The following CTDP1 variants were observed in gnomAD, a reference collection of about 807,000 sequenced individuals.
CTDP1 encodes RNA polymerase II subunit A C-terminal domain phosphatase.
Under a neutral mutation model 91.8 loss-of-function variants are expected in CTDP1, and 47 were observed. That is an observed-to-expected ratio of 0.51 (90% confidence interval 0.41 to 0.65). CTDP1 has a LOEUF of 0.65. CTDP1 is among the 30% of genes least tolerant of loss of function. CTDP1 has a pLI of 0.00. For missense variants in CTDP1, 1,272 were observed against 1,373.7 expected, an observed-to-expected ratio of 0.93 and a Z score of 1.17; for synonymous variants, 656 against 598.5, an observed-to-expected ratio of 1.10 and a Z score of -1.40.
In CTDP1 at chr18:79,749,478, C is replaced by T. The variant is rs991410616; in HGVS notation, c.2748-4174C>T. Among the ~76,000 whole-genome samples the T allele has an allele frequency of 5.8e-5, 6 of 103,798 alleles. No individual in the cohort carries two copies. The South Asian group carries it at 1.4e-3, about 24-fold the overall frequency. 68.1% of individuals were successfully genotyped at this position (103,798 alleles called of 152,430 possible). A position where few individuals can be genotyped will look rare whatever the true frequency, so the allele number is the denominator to read the frequency against. On this transcript the variant is annotated intron_variant, in intron 12 of 12. Coordinates refer to ENST00000613122, the MANE Select transcript of CTDP1 (RefSeq NM_004715.5). ...AGGCATCAGCACACAGGCAGGGAGC[C>T]GGGCACCAGACTGTGAGGGTCGCGC... is the stretch of plus-strand genomic sequence containing the variant.
chr18:79,679,602 C>G, upstream of CTDP1: 1 of 475,764 alleles, frequency 2.1e-6, no homozygotes, highest in South Asian at 1.5e-5. Flanking sequence ...TGGGCGACAG[C>G]GGCCCGCGTT....
Position 79,741,191 on chromosome 18 carries a change from G to A in CTDP1, c.2747+4670G>A, listed in dbSNP as rs1036097176. 4.7e-5 allele frequency among the ~76,000 whole-genome samples: 7 copies of A among 149,306 alleles called. No individual in the cohort carries two copies. In the South Asian group the frequency reaches 6.4e-4, roughly 14 times the overall value. On this transcript the variant is annotated intron_variant, in intron 12 of 12. Transcript: ENST00000613122. ...CCGTGGTTGGGTGAGGTCCCCGTGC[G>A]GTTGATCTGTCCCTGAGTCCCTGAG...
intron 8 of CTDP1, among the ~76,000 whole-genome samples, chr18:79,716,602 CTGTCTGCCCTGCCG>C (rs2086214171): frequency 1.3e-5 from 2 of 152,132 alleles, no homozygotes; most frequent in South Asian, 4.1e-4. Flanking sequence ...CCTCAGGTGC[CTGTCTGCCCTGCCG>C]CGTGTCTGCC....
At chr18:79,709,500 A>G (rs866908540) in intron 5 of CTDP1, among the ~76,000 whole-genome samples, 8 of 152,350 alleles carry the variant, frequency 5.3e-5, no homozygotes, top group Middle Eastern at 3.4e-3. Context: ...TGGTTTTACT[A>G]TCTTTAAGGA....
rs141794158 is a variant in CTDP1, at chr18:79,753,685, C to A, written c.2781C>A (p.Ala927=). ...GHKRKLNEED[A]ASESSRESSN... is the part of the protein sequence containing the mutation. ...AGAGGAAGCTGAATGAAGAGGACGC[C>A]GCCAGCGAGTCCAGCAGGGAGTCCA... is the stretch of plus-strand genomic sequence containing the variant. The change falls in exon 13 of 13, where the codon GCC becomes GCA. Residue 927 remains alanine (A), a synonymous_variant. Coordinates refer to ENST00000613122, the MANE Select transcript of CTDP1 (RefSeq NM_004715.5). 4 of 1,614,086 alleles carry A rather than the reference C, an allele frequency of 2.5e-6. No homozygotes were observed. In the South Asian group the frequency reaches 4.4e-5, roughly 18 times the overall value.
At chr18:79,749,943 G>A (rs1057270094) in intron 12 of CTDP1, 1 of 152,272 alleles carries the variant, frequency 6.6e-6, no homozygotes, top group African/African-American at 2.4e-5. Flanking sequence ...CCAGACTCGT[G>A]GCCCTGACAG....
At chr18:79,740,820 G>A (rs2086761383) in intron 12 of CTDP1, among the ~76,000 whole-genome samples, 1 of 152,186 alleles carries the variant, frequency 6.6e-6, no homozygotes, top group East Asian at 1.9e-4. Context: ...CCGCCTGCCG[G>A]GCACTTTCAC....
intron 1 of CTDP1, among the ~76,000 whole-genome samples, chr18:79,682,798 G>A (rs2085402290): frequency 6.6e-6 from 1 of 152,154 alleles, no homozygotes; most frequent in Non-Finnish European, 1.5e-5. Context: ...GATTAAATAT[G>A]GAAGTCTTTC....
chr18:79,741,597 GA>G (rs1478937673), intron 12 of CTDP1, among the ~76,000 whole-genome samples: 1 of 152,190 alleles, frequency 6.6e-6, no homozygotes. Context: ...TGATAAACAG[GA>G]AAGGAAAACA....
downstream of CTDP1, chr18:79,754,928 C>T (rs1382552701): frequency 3.3e-5 from 5 of 152,298 alleles, no homozygotes; most frequent in Non-Finnish European, 4.4e-5. Flanking sequence ...CACGGCCCTT[C>T]TCCAAAAGCA....
Position 79,714,763 on chromosome 18 carries a change from G to A in CTDP1, c.1303G>A (p.Val435Met). The change falls in exon 8 of 13, where the codon GTG becomes ATG. Residue 435 changes from valine (V) to methionine (M), a missense_variant. Transcript: ENST00000613122. ...GGGATCCTGTGCGCAGGGTGGCCGG[G>A]TGGCACCGGGACAGCGGCCTGCCCA... is the stretch of plus-strand genomic sequence containing the variant. ...PQGSCAQGGR[V>M]APGQRPAQGA... is the part of the protein sequence containing the mutation. 1 of 1,602,342 alleles carries A rather than the reference G, an allele frequency of 6.2e-7. No homozygotes were observed. Among genetic ancestry groups the A allele is most frequent in the East Asian group, 2.2e-5 (1 of 44,454 alleles).
At chr18:79,738,047 C>T (rs1197160682) in intron 12 of CTDP1, among the ~76,000 whole-genome samples, 1 of 126,928 alleles carries the variant, frequency 7.9e-6, no homozygotes, top group Non-Finnish European at 1.6e-5. Context: ...CTGCTCACCG[C>T]CCCCGGGAGT....
intron 12 of CTDP1, among the ~76,000 whole-genome samples, chr18:79,737,255 T>C (rs1453464705): frequency 6.6e-6 from 1 of 152,362 alleles, no homozygotes. Context: ...CACCTTTAAC[T>C]TGGATGACAT....
chr18:79,693,098 G>T (rs561597083), intron 1 of CTDP1, among the ~76,000 whole-genome samples: 1 of 152,216 alleles, frequency 6.6e-6, no homozygotes, highest in Non-Finnish European at 1.5e-5. Context: ...GTGCGATGGC[G>T]GTAGGGACAC....
At chr18:79,693,719 A>T (rs1568177594) in intron 1 of CTDP1, among the ~76,000 whole-genome samples, 1 of 151,974 alleles carries the variant, frequency 6.6e-6, no homozygotes, top group Non-Finnish European at 1.5e-5. Flanking sequence ...TGTCCTCAGC[A>T]CCGTTCCTCC....
At chr18:79,737,913 T>A (rs528261749) in intron 12 of CTDP1, among the ~76,000 whole-genome samples, 1 of 152,232 alleles carries the variant, frequency 6.6e-6, no homozygotes, top group Non-Finnish European at 1.5e-5. Flanking sequence ...CTGTTTTACC[T>A]GGATTTGATA....
In CTDP1 at chr18:79,717,882, T is replaced by G. The variant is rs555610546; in HGVS notation, c.2283T>G (p.Val761=). The stretch of plus-strand genomic sequence containing the variant: ...CCGCCTTGTTCCACCCGATGCCGGT[T>G]CTTCCCAAGGCCCAGCCTGGCCCCG... ...PPTALFHPMP[V]LPKAQPGPEV... is the part of the protein sequence containing the mutation. The change falls in exon 10 of 13, where the codon GTT becomes GTG. Residue 761 remains valine, a synonymous_variant. Transcript: ENST00000613122. 1 of 1,613,636 alleles carries G rather than the reference T, an allele frequency of 6.2e-7. No individual in the cohort carries two copies. Among genetic ancestry groups the G allele is most frequent in the African/African-American group, 1.3e-5 (1 of 75,058 alleles).
chr18:79,706,961 C>G (rs1229078905), intron 5 of CTDP1, among the ~76,000 whole-genome samples: 1 of 152,268 alleles, frequency 6.6e-6, no homozygotes, highest in African/African-American at 2.4e-5. Flanking sequence ...ATCTGGTGCC[C>G]GTGCAAGTGT....
rs1420471594 is a variant in CTDP1, at chr18:79,754,025, C to G, written c.*235C>G. 4 of 598,750 alleles carry G rather than the reference C, an allele frequency of 6.7e-6. No homozygotes were observed. Among genetic ancestry groups the G allele is most frequent in the African/African-American group, 1.9e-5 (1 of 53,740 alleles). The allele number at this position is 598,750 out of a possible 1,614,324, so 37.1% of individuals were successfully genotyped here. ...TGTTAAAGGCCCAGGTGTGCTGTGC[C>G]AAAGAGCTCAGCAGAGGCTCACGTG... On this transcript the variant is annotated 3_prime_UTR_variant, in exon 13 of 13. Transcript: ENST00000613122.
Sources: allele counts gnomAD v4.1 joint callset (sites outside exome capture counted in the v4.1 genomes callset), GRCh38; gene constraint gnomAD v4.1.1; transcripts MANE v1.5; gene names NCBI Gene and HGNC (gene_info 2026-07-23, HGNC 2026-07-21).